The following BCAT1 variants were observed in gnomAD, a reference collection of about 807,000 sequenced individuals.
BCAT1 encodes the protein branched-chain-amino-acid aminotransferase, cytosolic.
Under a neutral mutation model 52.4 loss-of-function variants are expected in BCAT1, and 48 were observed. That is an observed-to-expected ratio of 0.92 (90% confidence interval 0.73 to 1.16). The LOEUF is 1.16. Ranked by LOEUF, BCAT1 falls within the 50% of genes most tolerant of loss-of-function variation. The pLI, the probability that BCAT1 is intolerant of heterozygous loss-of-function variation, is 0.00. For missense variants in BCAT1, 451 were observed against 457.1 expected, an observed-to-expected ratio of 0.99 and a Z score of 0.12; for synonymous variants, 167 against 161.3, an observed-to-expected ratio of 1.04 and a Z score of -0.27.
At position 24,813,029 on chromosome 12, in the gene BCAT1, G is replaced by A. The variant is rs1452462447; in HGVS notation, c.*4979C>T. 1 of 151,840 alleles carries A rather than the reference G, an allele frequency of 6.6e-6. No individual in the cohort carries two copies. Among genetic ancestry groups the A allele is most frequent in the African/African-American group, 2.4e-5 (1 of 41,366 alleles). 9.4% of individuals were successfully genotyped at this position (151,840 alleles called of 1,614,324 possible). On this transcript the variant is annotated 3_prime_UTR_variant, in exon 11 of 11. Coordinates refer to ENST00000261192, the MANE Select transcript of BCAT1 (RefSeq NM_005504.7). ...TACTTGTATCCAGCAGATTTGAAAG[G>A]GCACTTCAAATTTGTTCTTCTTTTT...
chr12:24,898,065 CAT>C (rs951168603), intron 2 of BCAT1, among the ~76,000 whole-genome samples: 111 of 152,230 alleles, frequency 7.3e-4, no homozygotes, highest in African/African-American at 2.6e-3. Context: ...TAGCTGAAGA[CAT>C]GTGACTCGTT....
chr12:24,925,980 T>C (rs1206181196), intron 1 of BCAT1, among the ~76,000 whole-genome samples: 1 of 152,234 alleles, frequency 6.6e-6, no homozygotes, highest in Non-Finnish European at 1.5e-5. Context: ...CCTCCCAAAG[T>C]GCCGAGATTG....
At chr12:24,832,047 T>TA (rs894529325) in intron 9 of BCAT1, among the ~76,000 whole-genome samples, 5 of 152,034 alleles carry the variant, frequency 3.3e-5, no homozygotes, top group Non-Finnish European at 5.9e-5. Context: ...GCATTAATAG[T>TA]AAAAAAAAAT....
chr12:24,834,896 C>G, intron 8 of BCAT1: 1 of 659,832 alleles, frequency 1.5e-6, no homozygotes. Flanking sequence ...GACAATTTCC[C>G]CTATCTGGCA....
intron 10 of BCAT1, among the ~76,000 whole-genome samples, chr12:24,819,939 T>C (rs1728090404): frequency 6.6e-6 from 1 of 152,188 alleles, no homozygotes; most frequent in Non-Finnish European, 1.5e-5. Flanking sequence ...GATGTCAACA[T>C]GACTTAAGGT....
intron 3 of BCAT1, among the ~76,000 whole-genome samples, chr12:24,888,569 C>A (rs2139631298): frequency 6.6e-6 from 1 of 152,292 alleles, no homozygotes; most frequent in African/African-American, 2.4e-5. Context: ...CCATCCTATT[C>A]CAGGCACCTT....
At chr12:24,826,259 CAT>C (rs1257659117) in intron 10 of BCAT1, among the ~76,000 whole-genome samples, 1 of 152,154 alleles carries the variant, frequency 6.6e-6, no homozygotes, top group Non-Finnish European at 1.5e-5. Context: ...CAAGTAATTT[CAT>C]AGTTTCAGGT....
intron 1 of BCAT1, among the ~76,000 whole-genome samples, chr12:24,919,025 A>T (rs890775779): frequency 6.6e-6 from 1 of 152,212 alleles, no homozygotes; most frequent in Non-Finnish European, 1.5e-5. Context: ...CTACTCAATA[A>T]ATTGATTGAA....
intron 10 of BCAT1, among the ~76,000 whole-genome samples, chr12:24,822,695 C>T (rs1034990085): frequency 6.6e-6 from 1 of 152,132 alleles, no homozygotes; most frequent in Non-Finnish European, 1.5e-5. Context: ...TCCTTTGTTA[C>T]TAAACAATTT....
chr12:24,848,467 A>G (rs991325062), intron 6 of BCAT1, among the ~76,000 whole-genome samples: 2 of 152,212 alleles, frequency 1.3e-5, no homozygotes, highest in African/African-American at 2.4e-5. Flanking sequence ...ATAAATTACA[A>G]CCTGCCCAAA....
chr12:24,914,841 A>G (rs1943384108), intron 1 of BCAT1, among the ~76,000 whole-genome samples: 1 of 152,240 alleles, frequency 6.6e-6, no homozygotes, highest in Non-Finnish European at 1.5e-5. Context: ...AAATTAGGAA[A>G]CATTAGTTTG....
chr12:24,949,052 C>G lies in BCAT1; in HGVS notation c.-120G>C, dbSNP rs1943982576. The G allele has an allele frequency of 9.7e-7, 1 of 1,028,264 alleles. No individual in the cohort carries two copies. The highest frequency in any genetic ancestry group is 1.4e-6 in the Non-Finnish European group (1 of 693,606). The allele number at this position is 1,028,264 out of a possible 1,614,324, so 63.7% of individuals were successfully genotyped here. A position where few individuals can be genotyped will look rare whatever the true frequency, so the allele number is the denominator to read the frequency against. ...AGCGCGGTCCCGGCTGCAGCAAGAC[C>G]TGGGGCAGTGCCCGAGGCGGCGGCG... On this transcript the variant is annotated 5_prime_UTR_variant, in exon 1 of 11. Transcript: ENST00000261192.
chr12:24,848,869 C>G (rs890942473), intron 6 of BCAT1, among the ~76,000 whole-genome samples: 1 of 152,092 alleles, frequency 6.6e-6, no homozygotes, highest in African/African-American at 2.4e-5. Context: ...CTTTTATAAC[C>G]GTTCTTTTTT....
At chr12:24,840,379 C>T (rs776883407) in intron 7 of BCAT1, among the ~76,000 whole-genome samples, 2 of 152,104 alleles carry the variant, frequency 1.3e-5, no homozygotes, top group African/African-American at 2.4e-5. Flanking sequence ...AGGGTTGAAT[C>T]GGCCTATTAT....
chr12:24,833,167 GTA>G (rs1477061997), intron 8 of BCAT1, among the ~76,000 whole-genome samples: 1 of 152,134 alleles, frequency 6.6e-6, no homozygotes, highest in Non-Finnish European at 1.5e-5. Context: ...TTGTTAACTT[GTA>G]TAAAGTCTCA....
At chr12:24,943,674 G>A (rs4031157) in intron 1 of BCAT1, among the ~76,000 whole-genome samples, 2 of 151,900 alleles carry the variant, frequency 1.3e-5, no homozygotes, top group Non-Finnish European at 2.9e-5. Flanking sequence ...GCTTTCCTTA[G>A]AAGAATGTTT....
At chr12:24,914,075 T>C (rs985534244) in intron 1 of BCAT1, among the ~76,000 whole-genome samples, 1 of 138,534 alleles carries the variant, frequency 7.2e-6, no homozygotes, top group African/African-American at 2.6e-5. Context: ...ATTGGGTTGG[T>C]AGATTATCTT....
Position 24,881,373 on chromosome 12 carries a change from A to G in BCAT1, c.318T>C (p.Asn106=). The G allele has an allele frequency of 6.2e-7, 1 of 1,613,250 alleles. No homozygotes were observed. Among genetic ancestry groups the G allele is most frequent in the Non-Finnish European group, 8.5e-7 (1 of 1,179,236 alleles). Residue 106 remains asparagine (N), a synonymous_variant, in exon 4 of 11, where the codon AAT becomes AAC. Coordinates refer to ENST00000261192, the MANE Select transcript of BCAT1 (RefSeq NM_005504.7). ...GGTTTGGCTGAAACAGTCGAATTTT[A>G]TTATCTACTCCTCGAAATGCCTTCA... ...EGLKAFRGVD[N]KIRLFQPNLN... is the part of the protein sequence containing the mutation.
At chr12:24,902,067 G>A in intron 1 of BCAT1, 182 bp from the exon 2 acceptor site, 1 of 1,523,840 alleles carries the variant, frequency 6.6e-7, no homozygotes, top group Non-Finnish European at 8.8e-7. Flanking sequence ...TCTTGGGAGC[G>A]CTGCCCTGCA....
Sources: gnomAD v4.1 joint callset for allele counts (sites outside exome capture counted in the v4.1 genomes callset) on GRCh38, gnomAD v4.1.1 for gene constraint, MANE v1.5 for transcripts, NCBI Gene and HGNC (gene_info 2026-07-23, HGNC 2026-07-21) for gene names.